Variants in FRMD6 observed in about 807,000 individuals in gnomAD.
The protein encoded by FRMD6 is FERM domain containing 6.
Under a neutral mutation model 73.2 loss-of-function variants are expected in FRMD6, and 37 were observed. The ratio of observed to expected loss-of-function variants is 0.51; its 90% confidence interval spans 0.39 to 0.66. The LOEUF is 0.66. Among genes scored for constraint, FRMD6 ranks in the 30% least tolerant of loss-of-function variants. FRMD6 has a pLI of 0.00. For missense variants in FRMD6, 714 were observed against 780.5 expected, an observed-to-expected ratio of 0.91 and a Z score of 1.02; for synonymous variants, 273 against 282.2, an observed-to-expected ratio of 0.97 and a Z score of 0.33.
chr14:51,585,961 A>ATATATATATATATATATATATC (rs1555324347), intron 2 of FRMD6, among the ~76,000 whole-genome samples: 1 of 56,292 alleles, frequency 1.8e-5, no homozygotes, highest in Non-Finnish European at 4.6e-5. Flanking sequence ...ATATATATAT[A>ATATATATATATATATATATATC]ACATTTTCTT....
the FRMD6 span, among the ~76,000 whole-genome samples, chr14:51,459,884 CTTT>C: frequency 3.3e-4 from 25 of 74,652 alleles, 1 homozygote; most frequent in South Asian, 1.1e-3. Flanking sequence ...TACTGACTCT[CTTT>C]TTTTTTTTTT....
rs111839749 is a variant in FRMD6, at chr14:51,496,011, A to G, written c.-210+6591A>G. On this transcript the variant is annotated intron_variant, in intron 1 of 14. Coordinates refer to the FRMD6 transcript ENST00000356218. Reference sequence around the variant, plus strand: ...ATAAGCATTGGTCTGTGTGGCTGGAATACAAGAGAAGTGATGATATGTTAC... The same window carrying G: ...ATAAGCATTGGTCTGTGTGGCTGGAGTACAAGAGAAGTGATGATATGTTAC... 5.5e-3 allele frequency among the ~76,000 whole-genome samples: 835 copies of G among 152,332 alleles called. 9 individuals carry two copies. The highest frequency in any genetic ancestry group is 0.019 in the African/African-American group (781 of 41,570).
chr14:51,489,932 G>A (rs1008848873), intron 1 of FRMD6, among the ~76,000 whole-genome samples: 5 of 152,166 alleles, frequency 3.3e-5, no homozygotes, highest in African/African-American at 1.2e-4. Flanking sequence ...TAAGAGTCTG[G>A]GAAACATTAA....
rs1387813901 is a variant in FRMD6 at position 51,604,338 on chromosome 14, C to T, written c.-147+33928C>T. ...GGCCTTGTGGTGGGTTGGAAGGAAT[C>T]GCTTTGGAGTAAGGCATTGAGCAAT... On this transcript the variant is annotated intron_variant, in intron 2 of 14. Transcript: ENST00000356218. 2.6e-5 allele frequency among the ~76,000 whole-genome samples: 4 copies of T among 152,030 alleles called. No individual in the cohort carries two copies. The East Asian group carries it at 7.7e-4, about 29-fold the overall frequency.
At chr14:51,453,801 C>T in the FRMD6 span, among the ~76,000 whole-genome samples, 695 of 152,232 alleles carry the variant, frequency 4.6e-3, 6 homozygotes, top group Non-Finnish European at 6.6e-3. Flanking sequence ...CACAGTTAGG[C>T]TTGTTTTTAG....
At chr14:51,510,195 T>TGA (rs1372455707) in intron 1 of FRMD6, among the ~76,000 whole-genome samples, 1 of 152,230 alleles carries the variant, frequency 6.6e-6, no homozygotes, top group Admixed American at 6.5e-5. Flanking sequence ...AGCTCTGAGC[T>TGA]GAGCATTTGG....
chr14:51,496,285 G>T (rs1013843062), intron 1 of FRMD6, among the ~76,000 whole-genome samples: 9 of 152,222 alleles, frequency 5.9e-5, no homozygotes, highest in Non-Finnish European at 2.9e-5. Context: ...GACTGTATCA[G>T]TTATCTATTG....
the FRMD6 span, among the ~76,000 whole-genome samples, chr14:51,456,502 A>G: frequency 2.6e-5 from 4 of 152,200 alleles, no homozygotes; most frequent in African/African-American, 7.2e-5. Context: ...TTACAGCTGC[A>G]TAGTATTCCA....
intron 1 of FRMD6, among the ~76,000 whole-genome samples, chr14:51,672,429 G>C (rs906681226): frequency 1.3e-5 from 2 of 152,136 alleles, no homozygotes; most frequent in African/African-American, 4.8e-5. Flanking sequence ...CTACAGTCCT[G>C]ATTTGGCTCC....
chr14:51,703,548 A>G (rs1896450930), intron 5 of FRMD6, among the ~76,000 whole-genome samples: 1 of 151,990 alleles, frequency 6.6e-6, no homozygotes, highest in African/African-American at 2.4e-5. Flanking sequence ...TTTACCTGGT[A>G]AGTGTGGCAT....
chr14:51,672,479 A>G (rs374675125), intron 1 of FRMD6, among the ~76,000 whole-genome samples: 34 of 152,256 alleles, frequency 2.2e-4, no homozygotes, highest in East Asian at 9.6e-4. Context: ...AAAATCTTCA[A>G]AGGGCACCCA....
the FRMD6 span, among the ~76,000 whole-genome samples, chr14:51,450,880 G>A: frequency 2.6e-5 from 4 of 152,202 alleles, no homozygotes; most frequent in African/African-American, 9.7e-5. Flanking sequence ...GGAGAATGCT[G>A]TGTGTACTCC....
intron 2 of FRMD6, among the ~76,000 whole-genome samples, chr14:51,694,715 A>T (rs1245764904): frequency 1.3e-5 from 2 of 152,194 alleles, no homozygotes; most frequent in East Asian, 3.8e-4. Flanking sequence ...GTCCATATAG[A>T]GTATATTTTT....
chr14:51,681,977 G>C (rs192573279), intron 1 of FRMD6, among the ~76,000 whole-genome samples: 1 of 152,084 alleles, frequency 6.6e-6, no homozygotes, highest in African/African-American at 2.4e-5. Context: ...CATATTCTGC[G>C]TGATTCTGTA....
chr14:51,442,917 T>C, the FRMD6 span, among the ~76,000 whole-genome samples: 2 of 152,158 alleles, frequency 1.3e-5, no homozygotes, highest in Non-Finnish European at 2.9e-5. Context: ...CAAGAAACCA[T>C]GGAGTGCAAA....
chr14:51,652,840 A>G (rs564212420), intron 1 of FRMD6, among the ~76,000 whole-genome samples: 109 of 152,334 alleles, frequency 7.2e-4, no homozygotes, highest in Middle Eastern at 6.8e-3. Context: ...TACAGAGATT[A>G]AAACAACACC....
chr14:51,471,102 A>G, the FRMD6 span, among the ~76,000 whole-genome samples: 12 of 152,204 alleles, frequency 7.9e-5, no homozygotes, highest in South Asian at 2.1e-4. Context: ...ATCACCTGAT[A>G]TAATTGTGGA....
chr14:51,674,959 C>G (rs1894282543), intron 1 of FRMD6, among the ~76,000 whole-genome samples: 1 of 151,944 alleles, frequency 6.6e-6, no homozygotes, highest in Admixed American at 6.6e-5. Flanking sequence ...ATTTCTGTTT[C>G]TTTTAGAATA....
At chr14:51,414,824 T>A in the FRMD6 span, among the ~76,000 whole-genome samples, 1 of 152,086 alleles carries the variant, frequency 6.6e-6, no homozygotes, top group African/African-American at 2.4e-5. Flanking sequence ...TCTTTTATTG[T>A]GTTGAGCAGT....
Sources: gnomAD v4.1 joint callset for allele counts (sites outside exome capture counted in the v4.1 genomes callset) on GRCh38, gnomAD v4.1.1 for gene constraint, MANE v1.5 for transcripts, NCBI Gene and HGNC (gene_info 2026-07-23, HGNC 2026-07-21) for gene names.